Variants in GLT6D1 observed in about 807,000 individuals in gnomAD.
The protein encoded by GLT6D1 is putative glycosyltransferase 6 domain-containing protein 1.
Under a neutral mutation model 12.3 loss-of-function variants are expected in GLT6D1, and 9 were observed. The observed-to-expected ratio is 0.73, with a 90% CI of 0.44 to 1.27. The LOEUF is 1.27. Among genes scored for constraint, GLT6D1 ranks in the 50% most tolerant of loss-of-function variants. The probability of loss-of-function intolerance (pLI) is 0.00; values close to 1 mark genes in which losing one functional copy is unlikely to be tolerated. For missense variants in GLT6D1, 335 were observed against 346.2 expected, an observed-to-expected ratio of 0.97 and a Z score of 0.26; for synonymous variants, 128 against 132.3, an observed-to-expected ratio of 0.97 and a Z score of 0.23.
intron 3 of GLT6D1, among the ~76,000 whole-genome samples, chr9:135,628,191 A>T (rs1196558179): frequency 1.3e-5 from 2 of 152,102 alleles, no homozygotes; most frequent in Non-Finnish European, 2.9e-5. Flanking sequence ...GTTTTGATGA[A>T]GTCCACTTTA....
rs1449025871 is a variant in GLT6D1 at position 135,624,063 on chromosome 9, A to C, written c.*34T>G. On this transcript the variant is annotated 3_prime_UTR_variant, in exon 5 of 5. Transcript: ENST00000371763. ...TATTGGATCTGTGGAGGAGGAGAAA[A>C]TGCAAGATCCCAGCTGTATGCTGGT... 7.2e-7 allele frequency: 1 copy of C among 1,398,184 alleles called. No individual in the cohort carries two copies. The allele number at this position is 1,398,184 out of a possible 1,614,324, so 86.6% of individuals were successfully genotyped here. A position where few individuals can be genotyped will look rare whatever the true frequency, so the allele number is the denominator to read the frequency against.
rs759855549 is a variant in GLT6D1 at position 135,624,196 on chromosome 9, T to C, written c.732A>G (p.Lys244=). ...CATGAATAACTCCGTTCAGATATTC[T>C]TTGATGAAGTCTAAAATATTATGGG... ...GTPHNILDFI[K]EYLNGVIHDI... is the part of the protein sequence containing the mutation. The change falls in exon 5 of 5, where the codon AAA becomes AAG. Residue 244 remains lysine, a synonymous_variant. Transcript: ENST00000371763. The C allele has an allele frequency of 2.5e-6, 4 of 1,612,032 alleles. No individual in the cohort carries two copies. The highest frequency in any genetic ancestry group is 3.4e-6 in the Non-Finnish European group (4 of 1,179,372).
chr9:135,632,789 C>A (rs1021961464), intron 2 of GLT6D1, among the ~76,000 whole-genome samples: 34 of 151,804 alleles, frequency 2.2e-4, no homozygotes, highest in African/African-American at 7.5e-4. Flanking sequence ...TGCCTCAGCA[C>A]CCCCAGTAGC....
At chr9:135,629,404 T>A (rs1833587221) in intron 3 of GLT6D1, among the ~76,000 whole-genome samples, 1 of 152,174 alleles carries the variant, frequency 6.6e-6, no homozygotes, top group South Asian at 2.1e-4. Flanking sequence ...TTTCCACACA[T>A]CTACAAATTA....
At chr9:135,625,963 T>C (rs1833504180) in intron 4 of GLT6D1, 106 bp downstream of exon 4, 5 of 1,273,162 alleles carry the variant, frequency 3.9e-6, no homozygotes, top group Non-Finnish European at 5.5e-6. Flanking sequence ...GCTATTGTTA[T>C]CACTAATTAT....
intron 4 of GLT6D1, 102 bp from the exon 5 acceptor site, chr9:135,624,772 C>T (rs1833463784): frequency 1.3e-6 from 1 of 743,906 alleles, no homozygotes; most frequent in Non-Finnish European, 2.0e-6. Context: ...CTCTGATGCC[C>T]AGGCTGGAGT....
At chr9:135,627,678 T>C (rs368670720) in intron 3 of GLT6D1, among the ~76,000 whole-genome samples, 110 of 152,340 alleles carry the variant, frequency 7.2e-4, no homozygotes, top group South Asian at 5.0e-3. Context: ...CTTGGATATA[T>C]ATCTAGAGGT....
chr9:135,639,202 A>G lies in GLT6D1; in HGVS notation c.-6-9T>C. On this transcript the variant is annotated splice_polypyrimidine_tract_variant and intron_variant, in intron 1 of 4. Transcript: ENST00000371763. ...TTAGAATTCATTCTCTCCTAGGGAA[A>G]GAAGGAGAAAAAATTAGATTTTAAG... 1 of 1,445,072 alleles carries G rather than the reference A, an allele frequency of 6.9e-7. No homozygotes were observed. Among genetic ancestry groups the G allele is most frequent in the Non-Finnish European group, 9.6e-7 (1 of 1,038,218 alleles). The allele number at this position is 1,445,072 out of a possible 1,614,324, so 89.5% of individuals were successfully genotyped here. A position where few individuals can be genotyped will look rare whatever the true frequency, so the allele number is the denominator to read the frequency against.
At chr9:135,637,815 G>A (rs966596821) in intron 2 of GLT6D1, among the ~76,000 whole-genome samples, 1 of 151,806 alleles carries the variant, frequency 6.6e-6, no homozygotes, top group Non-Finnish European at 1.5e-5. Flanking sequence ...GCATATTTTG[G>A]GTACAAGTCC....
intron 2 of GLT6D1, among the ~76,000 whole-genome samples, chr9:135,633,720 A>G (rs1363249303): frequency 6.6e-6 from 1 of 152,220 alleles, no homozygotes; most frequent in Non-Finnish European, 1.5e-5. Flanking sequence ...AGCATCCTGT[A>G]TGTTTATTTC....
intron 3 of GLT6D1, among the ~76,000 whole-genome samples, chr9:135,628,351 A>T (rs1833564259): frequency 6.6e-6 from 1 of 152,036 alleles, no homozygotes; most frequent in Non-Finnish European, 1.5e-5. Flanking sequence ...AGGTTTTTAT[A>T]TTCTGTATTC....
At chr9:135,626,246 T>C in intron 3 of GLT6D1, 40 bp from the exon 4 acceptor site, 21 of 1,607,112 alleles carry the variant, frequency 1.3e-5, no homozygotes, top group Non-Finnish European at 1.8e-5. Context: ...AGTGCTTTAC[T>C]GAGGCGCCGG....
At chr9:135,635,217 T>C (rs1037261924) in intron 2 of GLT6D1, among the ~76,000 whole-genome samples, 2 of 152,240 alleles carry the variant, frequency 1.3e-5, no homozygotes, top group African/African-American at 4.8e-5. Flanking sequence ...AATGTTACTT[T>C]CTTTTCTTGC....
At chr9:135,627,973 T>G (rs1833557136) in intron 3 of GLT6D1, among the ~76,000 whole-genome samples, 2 of 152,206 alleles carry the variant, frequency 1.3e-5, no homozygotes, top group African/African-American at 4.8e-5. Context: ...TTATTGGCCA[T>G]TAGTATATCT....
rs1833838932 is a variant in GLT6D1, at chr9:135,639,024, C to T, written c.71+93G>A. 21 of 704,712 alleles carry T rather than the reference C, an allele frequency of 3.0e-5. No individual in the cohort carries two copies. The South Asian group carries it at 3.6e-4, about 12-fold the overall frequency. 43.7% of individuals were successfully genotyped at this position (704,712 alleles called of 1,614,324 possible). ...TCCAGCCTGGGCAACAGAGTAAGAC[C>T]CTGTCTCAAAAATTAAATTAATTAA... is the stretch of plus-strand genomic sequence containing the variant. On this transcript the variant is annotated intron_variant, in intron 2 of 4. Transcript: ENST00000371763.
At chr9:135,631,586 A>C in intron 2 of GLT6D1, 108 bp from the exon 3 acceptor site, 3 of 835,244 alleles carry the variant, frequency 3.6e-6, no homozygotes, top group Non-Finnish European at 6.3e-6. Flanking sequence ...ATCAACCCAA[A>C]TCAGAGTCAG....
At chr9:135,640,476 T>G (rs919671333), upstream of GLT6D1, among the ~76,000 whole-genome samples, 1 of 151,898 alleles carries the variant, frequency 6.6e-6, no homozygotes, top group Non-Finnish European at 1.5e-5. Flanking sequence ...ATCCCAGCAC[T>G]TTGGGAGGTC....
intron 4 of GLT6D1, among the ~76,000 whole-genome samples, chr9:135,625,657 G>A (rs117505752): frequency 4.9e-4 from 74 of 152,196 alleles, no homozygotes; most frequent in Non-Finnish European, 9.0e-4. Flanking sequence ...TGCATTGTGG[G>A]CTGCAACAAA....
chr9:135,626,087 G>T lies in GLT6D1; in HGVS notation c.239C>A (p.Ala80Asp). ...CACCTACCTGCCAGTAGCAAAGACG[G>T]CCAGGCCCACAGTGATATTCCGCCT... is the stretch of plus-strand genomic sequence containing the variant. ...YRRRNITVGL[A>D]VFATGRFAEE... The change falls in exon 4 of 5, where the codon GCC becomes GAC. Residue 80 changes from alanine (A) to aspartate (D), a missense_variant. Transcript: ENST00000371763. 1 of 1,614,094 alleles carries T rather than the reference G, an allele frequency of 6.2e-7. No homozygotes were observed. Among genetic ancestry groups the T allele is most frequent in the Non-Finnish European group, 8.5e-7 (1 of 1,179,982 alleles).
Sources: allele counts gnomAD v4.1 joint callset (sites outside exome capture counted in the v4.1 genomes callset), GRCh38; gene constraint gnomAD v4.1.1; transcripts MANE v1.5; gene names NCBI Gene and HGNC (gene_info 2026-07-23, HGNC 2026-07-21).